Variants in GPC5 observed in about 807,000 individuals in gnomAD.
The protein encoded by GPC5 is glypican-5.
A neutral mutation model predicts 53.9 loss-of-function variants in GPC5; 47 were observed. The ratio of observed to expected loss-of-function variants is 0.87; its 90% CI spans 0.69 to 1.11. GPC5 has a LOEUF of 1.11. Ranked by LOEUF, GPC5 falls within the 50% of genes most tolerant of loss-of-function variation. The pLI is 0.00. For missense variants in GPC5, 748 were observed against 713.1 expected (o/e 1.05, Z -0.56); for synonymous variants, 286 against 263.3 (o/e 1.09, Z -0.84).
chr13:92,146,037 A>G (rs908433778), intron 7 of GPC5, among the ~76,000 whole-genome samples: 4 of 152,194 alleles, frequency 2.6e-5, no homozygotes, highest in Non-Finnish European at 4.4e-5. Context: ...AGAGGTGCAA[A>G]ATTAAAAAGG....
intron 1 of GPC5, among the ~76,000 whole-genome samples, chr13:91,422,778 A>T (rs766674688): frequency 3.3e-5 from 5 of 152,178 alleles, no homozygotes; most frequent in Non-Finnish European, 7.3e-5. Flanking sequence ...TAACAAGAGG[A>T]TTCATGAGAG....
chr13:92,401,026 G>A (rs1384395319), intron 7 of GPC5, among the ~76,000 whole-genome samples: 1 of 151,944 alleles, frequency 6.6e-6, no homozygotes, highest in Non-Finnish European at 1.5e-5. Flanking sequence ...ATGTGATTTA[G>A]GAAATACAAT....
chr13:91,745,988 G>C (rs1037415438), intron 4 of GPC5, among the ~76,000 whole-genome samples: 1 of 152,122 alleles, frequency 6.6e-6, no homozygotes, highest in Non-Finnish European at 1.5e-5. Flanking sequence ...GTATTCTAAA[G>C]ACTTCTCTAA....
At chr13:92,779,080 G>A (rs889209834) in intron 7 of GPC5, among the ~76,000 whole-genome samples, 1 of 152,032 alleles carries the variant, frequency 6.6e-6, no homozygotes, top group Non-Finnish European at 1.5e-5. Context: ...ACTGGGCAAA[G>A]AGACTTACTG....
rs142276198 is a variant in GPC5, at chr13:92,784,868, A to C, written c.1562-81414A>C. ...GCAAGCCCCAAACCATTATTATCTA[A>C]ACATTAAATATGTAACACAAATTAT... On this transcript the variant is annotated intron_variant, in intron 7 of 7. Transcript: ENST00000377067. Among the ~76,000 whole-genome samples the C allele has an allele frequency of 2.4e-3, 368 of 152,308 alleles. 2 individuals carry two copies. Among genetic ancestry groups the C allele is most frequent in the African/African-American group, 8.6e-3 (359 of 41,570 alleles).
chr13:92,347,470 AC>A (rs2043423015), intron 7 of GPC5, among the ~76,000 whole-genome samples: 1 of 151,992 alleles, frequency 6.6e-6, no homozygotes, highest in Non-Finnish European at 1.5e-5. Flanking sequence ...AGAAATAGAA[AC>A]TTTCCCAGAA....
intron 7 of GPC5, among the ~76,000 whole-genome samples, chr13:92,692,779 A>G (rs1029578709): frequency 1.0e-4 from 4 of 38,288 alleles, no homozygotes; most frequent in African/African-American, 4.3e-4. Context: ...TTTTTTTTAC[A>G]TTTTACCAAA....
chr13:92,402,673 T>G (rs145978141), intron 7 of GPC5, among the ~76,000 whole-genome samples: 1 of 152,294 alleles, frequency 6.6e-6, no homozygotes, highest in East Asian at 1.9e-4. Flanking sequence ...TTGCTTGTCT[T>G]TGTATTTTCT....
At chr13:92,602,236 ATATATATATATATATAT>A (rs1884095517) in intron 7 of GPC5, among the ~76,000 whole-genome samples, 1 of 105,188 alleles carries the variant, frequency 9.5e-6, no homozygotes, top group Non-Finnish European at 1.8e-5. Flanking sequence ...TATATAACAT[ATATATATATATATATAT>A]ATATATATAT....
chr13:92,322,368 G>A (rs1231065585), intron 7 of GPC5, among the ~76,000 whole-genome samples: 1 of 152,054 alleles, frequency 6.6e-6, no homozygotes, highest in Non-Finnish European at 1.5e-5. Context: ...CAAATTATAT[G>A]AGACATTTGA....
chr13:92,849,184 C>G (rs966435331), intron 7 of GPC5, among the ~76,000 whole-genome samples: 5 of 152,158 alleles, frequency 3.3e-5, no homozygotes, highest in African/African-American at 1.2e-4. Context: ...GTCTTCTCCT[C>G]ATGTGTGTGG....
At chr13:92,297,777 G>T (rs1264892155) in intron 7 of GPC5, among the ~76,000 whole-genome samples, 3 of 152,118 alleles carry the variant, frequency 2.0e-5, no homozygotes, top group African/African-American at 7.2e-5. Context: ...GCCAGCATTG[G>T]CAACCCGCTC....
intron 7 of GPC5, among the ~76,000 whole-genome samples, chr13:92,694,943 C>T (rs1395327013): frequency 2.6e-5 from 4 of 151,994 alleles, no homozygotes; most frequent in Non-Finnish European, 4.4e-5. Flanking sequence ...GGGTGGGGTC[C>T]CCCATGTTGT....
intron 6 of GPC5, among the ~76,000 whole-genome samples, chr13:91,993,153 A>G (rs557451258): frequency 1.2e-3 from 189 of 152,332 alleles, no homozygotes; most frequent in Admixed American, 3.1e-3. Context: ...GCTAAAATAT[A>G]TATTTGAAGT....
intron 6 of GPC5, among the ~76,000 whole-genome samples, chr13:92,097,002 G>A (rs1255076076): frequency 6.6e-6 from 1 of 152,202 alleles, no homozygotes; most frequent in South Asian, 2.1e-4. Flanking sequence ...AAGAGGAAGT[G>A]AGAAGCATGA....
At chr13:91,456,762 A>G (rs556712956) in intron 2 of GPC5, among the ~76,000 whole-genome samples, 33 of 152,122 alleles carry the variant, frequency 2.2e-4, no homozygotes, top group African/African-American at 7.7e-4. Flanking sequence ...TGCTGTAAAA[A>G]GTAAAATTCA....
chr13:92,839,123 G>A (rs919379715), intron 7 of GPC5, among the ~76,000 whole-genome samples: 4 of 152,166 alleles, frequency 2.6e-5, no homozygotes, highest in Non-Finnish European at 4.4e-5. Context: ...GAGCACTTAC[G>A]ATAATGTCTG....
chr13:92,650,405 G>C (rs1350206214), intron 7 of GPC5, among the ~76,000 whole-genome samples: 1 of 152,092 alleles, frequency 6.6e-6, no homozygotes, highest in African/African-American at 2.4e-5. Context: ...CAAATGGGCT[G>C]CAAATGAAAA....
intron 3 of GPC5, among the ~76,000 whole-genome samples, chr13:91,723,944 A>G (rs2036526444): frequency 6.6e-6 from 1 of 152,238 alleles, no homozygotes; most frequent in Admixed American, 6.5e-5. Context: ...AAATAAAACT[A>G]AAATCGTGGA....
Sources: gnomAD v4.1 joint callset for allele counts (sites outside exome capture counted in the v4.1 genomes callset) on GRCh38, gnomAD v4.1.1 for gene constraint, MANE v1.5 for transcripts, NCBI Gene and HGNC (gene_info 2026-07-23, HGNC 2026-07-21) for gene names.